The following CPA6 variants were observed in gnomAD, a reference collection of about 807,000 sequenced individuals.
The protein encoded by CPA6 is carboxypeptidase A6, also known as carboxypeptidase B.
Under a neutral mutation model 63.3 loss-of-function variants are expected in CPA6, and 58 were observed. The ratio of observed to expected loss-of-function variants is 0.92; its 90% CI spans 0.74 to 1.14. The LOEUF is 1.14. Ranked by LOEUF, CPA6 falls within the 50% of genes most tolerant of loss-of-function variation. The pLI is 0.00. For missense variants in CPA6, 565 were observed against 526.6 expected (o/e 1.07, Z -0.71); for synonymous variants, 185 against 179.0 (o/e 1.03, Z -0.27).
At chr8:67,441,059 C>G (rs1027989367) in intron 8 of CPA6, among the ~76,000 whole-genome samples, 12 of 152,160 alleles carry the variant, frequency 7.9e-5, no homozygotes, top group Non-Finnish European at 4.4e-5. Flanking sequence ...AATCCCACCA[C>G]AGTTTTGAGG....
At chr8:67,595,024 G>A (rs1814283891) in intron 2 of CPA6, among the ~76,000 whole-genome samples, 1 of 152,002 alleles carries the variant, frequency 6.6e-6, no homozygotes, top group South Asian at 2.1e-4. Context: ...TCTACTTTTG[G>A]TCTTTGATGA....
intron 1 of CPA6, among the ~76,000 whole-genome samples, chr8:67,664,650 T>C (rs1816189209): frequency 6.6e-6 from 1 of 152,052 alleles, no homozygotes; most frequent in Non-Finnish European, 1.5e-5. Context: ...GCAAGGCTCA[T>C]GTGGGCTCTA....
At chr8:67,448,639 G>GAAAAAAAAAAAAAAAAAAAAAAAAAAAAA (rs61317091) in intron 8 of CPA6, among the ~76,000 whole-genome samples, 3 of 23,298 alleles carry the variant, frequency 1.3e-4, no homozygotes, top group Non-Finnish European at 1.7e-4. Context: ...CTCAAAAAAG[G>GAAAAAAAAAAAAAAAAAAAAAAAAAAAAA]AAAAAAAAAA....
intron 10 of CPA6, among the ~76,000 whole-genome samples, chr8:67,423,374 T>A (rs1208935484): frequency 4.6e-5 from 7 of 152,256 alleles, no homozygotes; most frequent in Admixed American, 4.6e-4. Context: ...CGTGAGCCAC[T>A]GTGCCTGGCC....
intron 2 of CPA6, among the ~76,000 whole-genome samples, chr8:67,595,779 C>T (rs960941456): frequency 6.6e-5 from 10 of 152,128 alleles, no homozygotes; most frequent in African/African-American, 1.9e-4. Flanking sequence ...TTCCAGGTGC[C>T]GTCTGTCACC....
chr8:67,704,920 G>GA, intron 1 of CPA6, among the ~76,000 whole-genome samples: 2 of 152,264 alleles, frequency 1.3e-5, no homozygotes, highest in Admixed American at 1.3e-4. Flanking sequence ...GTCGGCCTTA[G>GA]AAACCAGTGC....
At position 67,743,299 on chromosome 8, in the gene CPA6, ATTTT is replaced by A. The variant is rs529566866; in HGVS notation, c.116+2711_116+2714del. On this transcript the variant is annotated intron_variant, in intron 1 of 10. Transcript: ENST00000297770. ...GATTTTTCTTGTAGTCTTTCCACAC[ATTTT>A]TTTAAGTTTTTAATTTTTGTGGGTA... 4.4e-3 allele frequency among the ~76,000 whole-genome samples: 662 copies of A among 152,134 alleles called. 5 individuals are homozygous for A. Among genetic ancestry groups the A allele is most frequent in the African/African-American group, 0.015 (624 of 41,504 alleles).
In CPA6 at chr8:67,687,222, T is replaced by G. The variant is rs1816725559; in HGVS notation, c.116+58792A>C. On this transcript the variant is annotated intron_variant, in intron 1 of 10. Coordinates refer to ENST00000297770, the MANE Select transcript of CPA6 (RefSeq NM_020361.5). ...ACTCAGGACTTTCCAGTTTTAGCACTGAAAGTCCCATGAGCAGGGAAGGGC... is the reference window on the plus strand; with the variant it reads ...ACTCAGGACTTTCCAGTTTTAGCACGGAAAGTCCCATGAGCAGGGAAGGGC... 1.3e-5 allele frequency among the ~76,000 whole-genome samples: 2 copies of G among 152,182 alleles called. 1 individual carries two copies. The highest frequency in any genetic ancestry group is 4.1e-4 in the South Asian group (2 of 4,832).
At chr8:67,544,425 C>T (rs1812771095) in intron 2 of CPA6, among the ~76,000 whole-genome samples, 1 of 152,092 alleles carries the variant, frequency 6.6e-6, no homozygotes, top group Non-Finnish European at 1.5e-5. Flanking sequence ...GTGTCATGAC[C>T]CAGCAAACAG....
At chr8:67,588,779 GC>G (rs1445472338) in intron 2 of CPA6, among the ~76,000 whole-genome samples, 10 of 152,140 alleles carry the variant, frequency 6.6e-5, no homozygotes, top group Non-Finnish European at 1.2e-4. Flanking sequence ...TTTGGGCCCA[GC>G]CCCAAACTGT....
intron 1 of CPA6, among the ~76,000 whole-genome samples, chr8:67,738,978 C>T (rs758637438): frequency 8.0e-4 from 121 of 152,154 alleles, no homozygotes; most frequent in Non-Finnish European, 1.1e-3. Context: ...ACAATATAGG[C>T]TGTGAAGTTA....
intron 6 of CPA6, among the ~76,000 whole-genome samples, chr8:67,487,060 T>C (rs1342279401): frequency 1.3e-5 from 2 of 152,076 alleles, no homozygotes; most frequent in African/African-American, 4.8e-5. Flanking sequence ...TATATATGTA[T>C]ATTTTTAATT....
chr8:67,725,014 G>T (rs913663261), intron 1 of CPA6, among the ~76,000 whole-genome samples: 1 of 152,206 alleles, frequency 6.6e-6, no homozygotes, highest in African/African-American at 2.4e-5. Context: ...TAATTAATCT[G>T]AGTTACCTGG....
chr8:67,635,699 G>A (rs1483403211), intron 1 of CPA6, among the ~76,000 whole-genome samples: 1 of 151,620 alleles, frequency 6.6e-6, no homozygotes, highest in South Asian at 2.1e-4. Flanking sequence ...CCTGGGAGGT[G>A]GAGGTTGCAG....
chr8:67,434,636 C>T (rs932338538), intron 8 of CPA6, among the ~76,000 whole-genome samples: 5 of 152,350 alleles, frequency 3.3e-5, no homozygotes, highest in African/African-American at 1.2e-4. Flanking sequence ...CTGCTCCACC[C>T]CTGCTGCCCG....
At chr8:67,447,047 TAC>T (rs34144510) in intron 8 of CPA6, among the ~76,000 whole-genome samples, 37,136 of 149,522 alleles carry the variant, frequency 0.25, 5,235 homozygotes, top group African/African-American at 0.39. Flanking sequence ...CATATATATA[TAC>T]ACACACATAT....
intron 8 of CPA6, among the ~76,000 whole-genome samples, chr8:67,468,231 T>A (rs1810973896): frequency 6.6e-6 from 1 of 152,132 alleles, no homozygotes; most frequent in Admixed American, 6.5e-5. Context: ...ACTCTAAGGT[T>A]TATTTGATTA....
chr8:67,712,283 C>A (rs1423085805), intron 1 of CPA6, among the ~76,000 whole-genome samples: 2 of 152,146 alleles, frequency 1.3e-5, no homozygotes, highest in Non-Finnish European at 2.9e-5. Context: ...GTCAGGAGAA[C>A]CACCAGATCA....
At chr8:67,450,501 G>T (rs1428249249) in intron 8 of CPA6, among the ~76,000 whole-genome samples, 1 of 152,164 alleles carries the variant, frequency 6.6e-6, no homozygotes, top group African/African-American at 2.4e-5. Flanking sequence ...GTCAATGAAC[G>T]AAGGGTAGGA....
Sources: gnomAD v4.1 joint callset for allele counts (sites outside exome capture counted in the v4.1 genomes callset) on GRCh38, gnomAD v4.1.1 for gene constraint, MANE v1.5 for transcripts, NCBI Gene and HGNC (gene_info 2026-07-23, HGNC 2026-07-21) for gene names.